ENTREP2: variants seen among roughly 807,000 people sequenced by gnomAD.
The protein encoded by ENTREP2 is protein ENTREP2.
At chr15:29,138,641 G>A in the ENTREP2 span, among the ~76,000 whole-genome samples, 1 of 151,878 alleles carries the variant, frequency 6.6e-6, no homozygotes, top group South Asian at 2.1e-4. Flanking sequence ...ATGTGTATAT[G>A]TGTATGTGTA....
the ENTREP2 span, among the ~76,000 whole-genome samples, chr15:29,496,086 T>G: frequency 6.6e-6 from 1 of 152,088 alleles, no homozygotes; most frequent in Non-Finnish European, 1.5e-5. Flanking sequence ...CTTTTATCAA[T>G]GTTTCATAGT....
At chr15:29,404,956 C>T in the ENTREP2 span, among the ~76,000 whole-genome samples, 3 of 152,250 alleles carry the variant, frequency 2.0e-5, no homozygotes, top group South Asian at 6.2e-4. Context: ...CCCTGGGCCC[C>T]GGCCCCCAGT....
chr15:29,646,748 A>G, the ENTREP2 span, among the ~76,000 whole-genome samples: 2 of 152,150 alleles, frequency 1.3e-5, no homozygotes, highest in African/African-American at 4.8e-5. Flanking sequence ...AGGGATGGAA[A>G]TCTTGGGGCA....
At chr15:29,222,251 C>T in the ENTREP2 span, among the ~76,000 whole-genome samples, 13 of 152,140 alleles carry the variant, frequency 8.5e-5, no homozygotes, top group African/African-American at 2.9e-4. Flanking sequence ...CTCCCATCAG[C>T]GCCATGAGTT....
chr15:29,279,423 G>C, the ENTREP2 span, among the ~76,000 whole-genome samples: 1 of 151,240 alleles, frequency 6.6e-6, no homozygotes, highest in Non-Finnish European at 1.5e-5. Flanking sequence ...GGTGTGCAGT[G>C]GTGCAATCTC....
chr15:29,286,519 C>A, the ENTREP2 span, among the ~76,000 whole-genome samples: 1 of 152,214 alleles, frequency 6.6e-6, no homozygotes, highest in Non-Finnish European at 1.5e-5. Context: ...TCTGTCCACC[C>A]TCTCAAATGT....
chr15:29,596,874 T>TA, the ENTREP2 span, among the ~76,000 whole-genome samples: 1 of 152,134 alleles, frequency 6.6e-6, no homozygotes, highest in Non-Finnish European at 1.5e-5. Context: ...TTCGCCATGC[T>TA]AACTAGGCTG....
At chr15:29,447,269 T>A in the ENTREP2 span, among the ~76,000 whole-genome samples, 1 of 152,168 alleles carries the variant, frequency 6.6e-6, no homozygotes, top group Non-Finnish European at 1.5e-5. Context: ...AAGATTTCCA[T>A]GGAGAAAAGA....
chr15:29,607,661 T>C, the ENTREP2 span, among the ~76,000 whole-genome samples: 1 of 152,280 alleles, frequency 6.6e-6, no homozygotes, highest in South Asian at 2.1e-4. Context: ...CTTTATTCTC[T>C]CTAGTTTTTA....
chr15:29,405,048 C>T, the ENTREP2 span, among the ~76,000 whole-genome samples: 1 of 152,200 alleles, frequency 6.6e-6, no homozygotes, highest in South Asian at 2.1e-4. Context: ...TGCCTGGACT[C>T]CTGGTCACTT....
At chr15:29,289,415 G>C in the ENTREP2 span, among the ~76,000 whole-genome samples, 1 of 152,072 alleles carries the variant, frequency 6.6e-6, no homozygotes, top group Non-Finnish European at 1.5e-5. Flanking sequence ...CATCAAGTGC[G>C]GGTGATAATG....
the ENTREP2 span, among the ~76,000 whole-genome samples, chr15:29,129,977 G>T: frequency 7.4e-4 from 113 of 152,314 alleles, 1 homozygote; most frequent in Non-Finnish European, 1.2e-3. Context: ...GGGGGCTCCT[G>T]CGACTTGCTC....
the ENTREP2 span, among the ~76,000 whole-genome samples, chr15:29,388,046 G>A: frequency 6.6e-6 from 1 of 152,152 alleles, no homozygotes; most frequent in African/African-American, 2.4e-5. Context: ...TACCATTCAG[G>A]ACATAGGCAT....
chr15:29,404,502 T>C, the ENTREP2 span, among the ~76,000 whole-genome samples: 1 of 151,958 alleles, frequency 6.6e-6, no homozygotes, highest in Non-Finnish European at 1.5e-5. Flanking sequence ...AGGCTGACAC[T>C]GATCTTACTC....
At chr15:29,173,944 CAAAAA>C in the ENTREP2 span, among the ~76,000 whole-genome samples, 1 of 78,692 alleles carries the variant, frequency 1.3e-5, no homozygotes. Flanking sequence ...TCTGGATAGC[CAAAAA>C]AAAAAAAAAA....
the ENTREP2 span, among the ~76,000 whole-genome samples, chr15:29,557,784 G>A: frequency 1.3e-5 from 2 of 152,072 alleles, no homozygotes; most frequent in East Asian, 1.9e-4. Flanking sequence ...TCTCCCCTTC[G>A]AGCTCAGCCT....
At chr15:29,478,837 G>A in the ENTREP2 span, among the ~76,000 whole-genome samples, 1,396 of 150,556 alleles carry the variant, frequency 9.3e-3, 19 homozygotes, top group African/African-American at 0.032. Context: ...CCGGGGAGGC[G>A]GAGGTTGCAG....
the ENTREP2 span, among the ~76,000 whole-genome samples, chr15:29,408,167 T>C: frequency 6.6e-6 from 1 of 152,110 alleles, no homozygotes; most frequent in South Asian, 2.1e-4. Context: ...CAGAGTGGTC[T>C]GATTCATCAG....
At chr15:29,368,741 G>T in the ENTREP2 span, among the ~76,000 whole-genome samples, 1 of 151,942 alleles carries the variant, frequency 6.6e-6, no homozygotes, top group Non-Finnish European at 1.5e-5. Flanking sequence ...GCCAGGTGTG[G>T]TAGCACTCAC....
Sources: allele counts gnomAD v4.1 joint callset (sites outside exome capture counted in the v4.1 genomes callset), GRCh38; gene constraint gnomAD v4.1.1; transcripts MANE v1.5; gene names NCBI Gene and HGNC (gene_info 2026-07-23, HGNC 2026-07-21).